Variants in CTNND2 observed in about 807,000 individuals in gnomAD.
CTNND2 encodes the protein catenin delta 2.
A neutral mutation model predicts 144.4 loss-of-function variants in CTNND2; 22 were observed. That is an observed-to-expected ratio of 0.15 (90% CI 0.11 to 0.22). CTNND2 has a LOEUF of 0.22. Among genes scored for constraint, CTNND2 ranks in the 10% least tolerant of loss-of-function variants. CTNND2 has a pLI of 1.00. For missense variants in CTNND2, 1,353 were observed against 1,618.8 expected (o/e 0.84, Z 2.82); for synonymous variants, 751 against 695.6 (o/e 1.08, Z -1.25).
chr5:11,188,873 G>C (rs1175940465), intron 11 of CTNND2, among the ~76,000 whole-genome samples: 1 of 152,100 alleles, frequency 6.6e-6, no homozygotes, highest in Non-Finnish European at 1.5e-5. Flanking sequence ...ATTATCCGGG[G>C]CTTTTCCTTT....
chr5:11,182,763 C>A lies in CTNND2; in HGVS notation c.1975+16685G>T, dbSNP rs79274913. The stretch of plus-strand genomic sequence containing the variant: ...AAATTTCATATGACTGACAGACTTT[C>A]TGTGGCCTAATGATTTTTTAAAAGG... On this transcript the variant is annotated intron_variant, in intron 11 of 21. Transcript: ENST00000304623. 3.3e-4 allele frequency among the ~76,000 whole-genome samples: 51 copies of A among 152,306 alleles called. No homozygotes were observed. The East Asian group carries it at 9.5e-3, about 28-fold the overall frequency.
chr5:11,213,947 G>T (rs376334799), intron 10 of CTNND2, among the ~76,000 whole-genome samples: 45 of 152,044 alleles, frequency 3.0e-4, no homozygotes, highest in African/African-American at 1.0e-3. Context: ...CACCAAAATG[G>T]GATTCATTCA....
intron 7 of CTNND2, among the ~76,000 whole-genome samples, chr5:11,373,121 CAG>C (rs1208559347): frequency 8.5e-5 from 13 of 152,242 alleles, no homozygotes; most frequent in African/African-American, 1.2e-4. Context: ...TCAGCTGCTG[CAG>C]AGTGACTGAT....
At chr5:11,762,318 C>G (rs955115062) in intron 1 of CTNND2, among the ~76,000 whole-genome samples, 14 of 152,078 alleles carry the variant, frequency 9.2e-5, no homozygotes, top group Non-Finnish European at 1.8e-4. Flanking sequence ...TTTTCAAGGT[C>G]ATACCCTGAG....
intron 16 of CTNND2, among the ~76,000 whole-genome samples, chr5:11,043,591 G>C (rs1265066846): frequency 6.6e-6 from 1 of 152,076 alleles, no homozygotes; most frequent in Admixed American, 6.6e-5. Context: ...AAAAACAGAA[G>C]CAAAAAATGA....
chr5:11,708,465 T>C (rs1185173556), intron 2 of CTNND2, among the ~76,000 whole-genome samples: 5 of 152,186 alleles, frequency 3.3e-5, no homozygotes, highest in Non-Finnish European at 7.3e-5. Flanking sequence ...GAGATCTGAG[T>C]AGTTCTACGA....
intron 8 of CTNND2, among the ~76,000 whole-genome samples, chr5:11,351,337 TC>T (rs1208247383): frequency 6.6e-6 from 1 of 152,076 alleles, no homozygotes; most frequent in Non-Finnish European, 1.5e-5. Context: ...CAGCCCCTTT[TC>T]CCCTCAATAA....
At chr5:11,043,087 A>AT (rs199870626) in intron 16 of CTNND2, among the ~76,000 whole-genome samples, 31,228 of 144,892 alleles carry the variant, frequency 0.22, 3,708 homozygotes, top group South Asian at 0.29. Flanking sequence ...GTCAGAGCTT[A>AT]TTTTTTTTTT....
At chr5:11,883,545 G>A (rs1582062436) in intron 1 of CTNND2, among the ~76,000 whole-genome samples, 2 of 152,160 alleles carry the variant, frequency 1.3e-5, no homozygotes, top group Admixed American at 1.3e-4. Flanking sequence ...ATTCCACGGT[G>A]TATATGTGCC....
chr5:11,758,489 C>A (rs12516317), intron 1 of CTNND2, among the ~76,000 whole-genome samples: 133,395 of 151,914 alleles, frequency 0.88, 60,685 homozygotes, highest in South Asian at 0.99. Context: ...ACCAACATTT[C>A]CCCTTTCCCC....
At chr5:11,853,300 T>C (rs1175992903) in intron 1 of CTNND2, among the ~76,000 whole-genome samples, 1 of 152,128 alleles carries the variant, frequency 6.6e-6, no homozygotes, top group Admixed American at 6.5e-5. Flanking sequence ...CCTGGGTCTT[T>C]GTGTTTGGCT....
Position 10,972,504 on chromosome 5 carries a change from G to A in CTNND2, c.*949C>T, listed in dbSNP as rs1735944876. The A allele has an allele frequency of 6.6e-6, 1 of 152,502 alleles. No homozygotes were observed. Among genetic ancestry groups the A allele is most frequent in the South Asian group, 2.1e-4 (1 of 4,832 alleles). The allele number at this position is 152,502 out of a possible 1,614,324, so 9.4% of individuals were successfully genotyped here. ...GTATTTTGTAAGATATAGGTTCTTGGAAATAGACATTCTTAGCAAATATGG... is the reference window on the plus strand; with the variant it reads ...GTATTTTGTAAGATATAGGTTCTTGAAAATAGACATTCTTAGCAAATATGG... On this transcript the variant is annotated 3_prime_UTR_variant, in exon 22 of 22. Coordinates refer to ENST00000304623, the MANE Select transcript of CTNND2 (RefSeq NM_001332.4).
chr5:11,116,814 T>C (rs1302569731), intron 13 of CTNND2, among the ~76,000 whole-genome samples: 1 of 152,112 alleles, frequency 6.6e-6, no homozygotes, highest in Non-Finnish European at 1.5e-5. Flanking sequence ...TCCCAGCACT[T>C]TGGGAGTCTG....
intron 2 of CTNND2, among the ~76,000 whole-genome samples, chr5:11,659,068 C>T (rs1331270878): frequency 6.6e-6 from 1 of 152,040 alleles, no homozygotes; most frequent in Non-Finnish European, 1.5e-5. Context: ...GTGGTTCACC[C>T]TTTGTATTCA....
At chr5:11,236,651 A>C (rs1299577279) in intron 10 of CTNND2, 40 bp downstream of exon 10, 7 of 1,606,634 alleles carry the variant, frequency 4.4e-6, no homozygotes, top group Admixed American at 3.4e-5. Flanking sequence ...AGTGCTTATG[A>C]ATCTGACACC....
At chr5:11,203,504 G>A (rs562204482) in intron 10 of CTNND2, among the ~76,000 whole-genome samples, 1 of 152,228 alleles carries the variant, frequency 6.6e-6, no homozygotes, top group South Asian at 2.1e-4. Context: ...GTGCAGTGGC[G>A]CGATCTTGGC....
intron 16 of CTNND2, among the ~76,000 whole-genome samples, chr5:11,027,839 C>T (rs1019121239): frequency 2.6e-5 from 4 of 152,146 alleles, no homozygotes; most frequent in Non-Finnish European, 5.9e-5. Context: ...CCTTGCAGAC[C>T]GCTTGTGCAG....
chr5:11,124,377 A>G (rs1466068519), intron 12 of CTNND2, among the ~76,000 whole-genome samples: 1 of 152,210 alleles, frequency 6.6e-6, no homozygotes, highest in African/African-American at 2.4e-5. Flanking sequence ...GATGGCTTGA[A>G]TTTATCATAA....
chr5:11,892,457 T>C (rs1319267987), intron 1 of CTNND2, among the ~76,000 whole-genome samples: 1 of 152,234 alleles, frequency 6.6e-6, no homozygotes, highest in African/African-American at 2.4e-5. Context: ...AAATTACTTC[T>C]GTAGTAGAAC....
Sources: gnomAD v4.1 joint callset for allele counts (sites outside exome capture counted in the v4.1 genomes callset) on GRCh38, gnomAD v4.1.1 for gene constraint, MANE v1.5 for transcripts, NCBI Gene and HGNC (gene_info 2026-07-23, HGNC 2026-07-21) for gene names.